The following SLC48A1 variants were observed in gnomAD, a reference collection of about 807,000 sequenced individuals.
SLC48A1 encodes heme transporter HRG1.
In SLC48A1, 6 loss-of-function variants were observed where a neutral mutation model predicts 14.8. The observed-to-expected ratio is 0.41, with a 90% confidence interval of 0.22 to 0.80. The LOEUF is 0.80. Among genes scored for constraint, SLC48A1 ranks in the 30% least tolerant of loss-of-function variants. SLC48A1 has a pLI of 0.34. For missense variants in SLC48A1, 165 were observed against 204.8 expected (o/e 0.81, Z 1.19); for synonymous variants, 89 against 90.0 (o/e 0.99, Z 0.06).
intron 2 of SLC48A1, among the ~76,000 whole-genome samples, chr12:47,764,732 A>G (rs1293615420): frequency 6.6e-6 from 1 of 152,184 alleles, no homozygotes; most frequent in Non-Finnish European, 1.5e-5. Context: ...GAATAGGCCA[A>G]AGTTTTCCTG....
chr12:47,754,615 G>T (rs887131019), upstream of SLC48A1, among the ~76,000 whole-genome samples: 5 of 152,170 alleles, frequency 3.3e-5, no homozygotes, highest in African/African-American at 1.2e-4. Context: ...AGGGTTATGA[G>T]GATCAAAAAG....
upstream of SLC48A1, among the ~76,000 whole-genome samples, chr12:47,766,629 C>G (rs1005203416): frequency 1.3e-5 from 2 of 152,150 alleles, no homozygotes; most frequent in Non-Finnish European, 2.9e-5. Context: ...TCTCCCCAGG[C>G]AGCTGCACCT....
At chr12:47,757,749 G>T, upstream of SLC48A1, 1 of 988,804 alleles carries the variant, frequency 1.0e-6, no homozygotes, top group Non-Finnish European at 1.5e-6. Flanking sequence ...CACGGCAGCT[G>T]TACCACTGTA....
chr12:47,774,727 A>C (rs912181441), intron 1 of SLC48A1, among the ~76,000 whole-genome samples: 23 of 152,076 alleles, frequency 1.5e-4, no homozygotes, highest in African/African-American at 5.1e-4. Flanking sequence ...TGGGTCACCA[A>C]GAAGGGGGGA....
Position 47,777,011 on chromosome 12 carries a change from G to A in SLC48A1, c.137-2017G>A, listed in dbSNP as rs747697504. Reference sequence around the variant, plus strand: ...GGGCGAGGGGACCTGTTCCAGACAGGTGCCCATCAGACTGCTCCTTGAGTG... The same window carrying A: ...GGGCGAGGGGACCTGTTCCAGACAGATGCCCATCAGACTGCTCCTTGAGTG... On this transcript the variant is annotated intron_variant, in intron 1 of 2. Coordinates refer to ENST00000442218, the MANE Select transcript of SLC48A1 (RefSeq NM_017842.3). This position sits in a 1 kb window ranked among gnomAD's most constrained non-coding sequence, Gnocchi z 4.5. Among the ~76,000 whole-genome samples, 8 of 152,172 alleles carry A rather than the reference G, an allele frequency of 5.3e-5. No individual in the cohort carries two copies. The highest frequency in any genetic ancestry group is 1.0e-4 in the Non-Finnish European group (7 of 68,040).
rs761975165 is a variant in SLC48A1, at chr12:47,780,991, C to T, written c.*710C>T. 9 of 508,692 alleles carry T rather than the reference C, an allele frequency of 1.8e-5. No individual in the cohort carries two copies. The highest frequency in any genetic ancestry group is 1.1e-4 in the East Asian group (2 of 17,938). 31.5% of individuals were successfully genotyped at this position (508,692 alleles called of 1,614,324 possible). ...TGCTGCAGGCAAGGGTTTCCATCCCCGCTGCCCTAGGCACTCTCTTCCCAA... is the reference window on the plus strand; with the variant it reads ...TGCTGCAGGCAAGGGTTTCCATCCCTGCTGCCCTAGGCACTCTCTTCCCAA... On this transcript the variant is annotated 3_prime_UTR_variant, in exon 3 of 3. Coordinates refer to ENST00000442218, the MANE Select transcript of SLC48A1 (RefSeq NM_017842.3).
upstream of SLC48A1, among the ~76,000 whole-genome samples, chr12:47,754,693 G>A (rs1434044663): frequency 1.3e-5 from 2 of 152,318 alleles, no homozygotes; most frequent in Non-Finnish European, 2.9e-5. Flanking sequence ...TAGTTGACTT[G>A]ATCAGATGTT....
intron 1 of SLC48A1, among the ~76,000 whole-genome samples, chr12:47,760,017 C>T (rs545997335): frequency 8.5e-5 from 13 of 152,256 alleles, no homozygotes; most frequent in African/African-American, 3.1e-4. Context: ...GGATGCCAAG[C>T]CCCCATCCTC....
chr12:47,757,538 T>C (rs1166518983), upstream of SLC48A1, among the ~76,000 whole-genome samples: 2 of 151,900 alleles, frequency 1.3e-5, no homozygotes, highest in Non-Finnish European at 2.9e-5. Context: ...CCCCCATACC[T>C]CCCACCTCCA....
At chr12:47,764,107 G>T (rs888856817) in intron 2 of SLC48A1, among the ~76,000 whole-genome samples, 3 of 152,156 alleles carry the variant, frequency 2.0e-5, no homozygotes, top group Non-Finnish European at 2.9e-5. Context: ...ACGAGTAACT[G>T]CTTTCTCCCC....
intron 2 of SLC48A1, 117 bp downstream of exon 2, chr12:47,779,312 TC>T (rs777034784): frequency 2.2e-6 from 3 of 1,339,754 alleles, no homozygotes; most frequent in African/African-American, 3.0e-5. Flanking sequence ...TTACTTAACC[TC>T]CCCGGACACG....
chr12:47,778,730 A>T (rs746511604), intron 1 of SLC48A1: 56 of 345,604 alleles, frequency 1.6e-4, no homozygotes, highest in Admixed American at 6.4e-4. Context: ...TAAAAATAAC[A>T]TGAATTAACA....
chr12:47,757,425 C>T (rs547880409), upstream of SLC48A1, among the ~76,000 whole-genome samples: 78 of 152,222 alleles, frequency 5.1e-4, no homozygotes, highest in Middle Eastern at 6.8e-3. Flanking sequence ...AAGACCAAAA[C>T]GCAGAATTAG....
intron 2 of SLC48A1, among the ~76,000 whole-genome samples, chr12:47,761,237 T>G (rs1167108181): frequency 6.6e-6 from 1 of 151,468 alleles, no homozygotes; most frequent in East Asian, 1.9e-4. Flanking sequence ...CGAATATGTT[T>G]GTGTTGAGGT....
intron 1 of SLC48A1, among the ~76,000 whole-genome samples, chr12:47,775,415 G>A (rs2136865720): frequency 6.6e-6 from 1 of 152,348 alleles, no homozygotes; most frequent in South Asian, 2.1e-4. Context: ...GCCAGCTGGA[G>A]TAGGGTCCTG....
rs745923256 is a variant in SLC48A1 at position 47,780,557 on chromosome 12, CT to C, written c.*286del. 342 of 559,298 alleles carry C rather than the reference CT, an allele frequency of 6.1e-4. No individual in the cohort carries two copies. The highest frequency in any genetic ancestry group is 7.0e-4 in the Admixed American group (28 of 39,768). 34.6% of individuals were successfully genotyped at this position (559,298 alleles called of 1,614,324 possible). ...CAAATGAATCTGTTTTCTTTTCTTT[CT>C]TTTTTTTTTCTTTTTTTTTTTTTTT... is the stretch of plus-strand genomic sequence containing the variant. On this transcript the variant is annotated 3_prime_UTR_variant, in exon 3 of 3. Transcript: ENST00000442218.
At chr12:47,763,827 G>A (rs1192505213) in intron 2 of SLC48A1, among the ~76,000 whole-genome samples, 1 of 152,216 alleles carries the variant, frequency 6.6e-6, no homozygotes, top group African/African-American at 2.4e-5. Flanking sequence ...GTCAGGGCTG[G>A]GAGCTGCAGG....
intron 1 of SLC48A1, among the ~76,000 whole-genome samples, chr12:47,773,701 C>T (rs1171186389): frequency 2.0e-5 from 3 of 152,182 alleles, no homozygotes; most frequent in Non-Finnish European, 4.4e-5. Context: ...AGACCTGCCG[C>T]GCCGCCCGGG....
intron 2 of SLC48A1, among the ~76,000 whole-genome samples, chr12:47,779,718 G>A (rs552351652): frequency 1.3e-5 from 2 of 152,202 alleles, no homozygotes; most frequent in Admixed American, 6.5e-5. Context: ...GAACAGTAGT[G>A]GTCCGTGGCC....
Sources: gnomAD v4.1 joint callset for allele counts (sites outside exome capture counted in the v4.1 genomes callset) on GRCh38, gnomAD v4.1.1 for gene constraint, Gnocchi (gnomAD v3.1) non-coding constraint, MANE v1.5 for transcripts, NCBI Gene and HGNC (gene_info 2026-07-23, HGNC 2026-07-21) for gene names.